SMAD2: variants seen among roughly 807,000 people sequenced by gnomAD.
SMAD2 encodes SMAD family member 2, also known as MAD homolog 2.
In SMAD2, 8 loss-of-function variants were observed where a neutral mutation model predicts 64.4. The ratio of observed to expected loss-of-function variants is 0.12; its 90% CI spans 0.07 to 0.22. The LOEUF is 0.22. SMAD2 is among the 10% of genes least tolerant of loss of function. The pLI is 1.00. For synonymous variants in SMAD2, 203 were observed against 195.8 expected (o/e 1.04, Z -0.31); for missense variants, 289 against 561.2 (o/e 0.51, Z 4.90).
In SMAD2 at chr18:47,845,858, T is replaced by C. The variant is rs560432746; in HGVS notation, c.998-58A>G. On this transcript the variant is annotated intron_variant, in intron 8 of 10. Coordinates refer to ENST00000262160, the MANE Select transcript of SMAD2 (RefSeq NM_005901.6). ...AACATTTACTATTTCAGTGTGACTT[T>C]GGAAGCATTTTCTTGGAAAAATTCT... 3.4e-5 allele frequency: 51 copies of C among 1,505,074 alleles called. No individual in the cohort carries two copies. The East Asian group carries it at 1.0e-3, about 31-fold the overall frequency. The allele number at this position is 1,505,074 out of a possible 1,614,324, so 93.2% of individuals were successfully genotyped here.
At chr18:47,864,373 T>C (rs2031405928) in intron 6 of SMAD2, among the ~76,000 whole-genome samples, 1 of 152,078 alleles carries the variant, frequency 6.6e-6, no homozygotes, top group African/African-American at 2.4e-5. Flanking sequence ...AATGCATTAG[T>C]GTTAAGATGT....
At chr18:47,862,703 A>C (rs1176008916) in intron 6 of SMAD2, among the ~76,000 whole-genome samples, 2 of 152,236 alleles carry the variant, frequency 1.3e-5, no homozygotes, top group Non-Finnish European at 2.9e-5. Context: ...AGGCAGATTA[A>C]AAAACCCTTT....
At chr18:47,922,335 C>A (rs1158613457) in intron 1 of SMAD2, among the ~76,000 whole-genome samples, 1 of 152,168 alleles carries the variant, frequency 6.6e-6, no homozygotes, top group Non-Finnish European at 1.5e-5. Flanking sequence ...GTCAATCCTC[C>A]TTATCTGTGG....
intron 2 of SMAD2, among the ~76,000 whole-genome samples, chr18:47,873,575 A>G (rs986507400): frequency 5.9e-5 from 9 of 152,238 alleles, no homozygotes; most frequent in African/African-American, 2.2e-4. Context: ...GTATGCAATT[A>G]GTAAAAGAAT....
Position 47,833,760 on chromosome 18 carries a change from AT to A in SMAD2, c.*8066del, listed in dbSNP as rs1913141922. On this transcript the variant is annotated 3_prime_UTR_variant, in exon 11 of 11. Coordinates refer to ENST00000262160, the MANE Select transcript of SMAD2 (RefSeq NM_005901.6). ...ATTCACGGAAAAATGTTAACAACAC[AT>A]TCTGGCTTCTCGAGCAGAACAGACT... The A allele has an allele frequency of 4.3e-6, 1 of 230,844 alleles. No individual in the cohort carries two copies. Among genetic ancestry groups the A allele is most frequent in the Non-Finnish European group, 8.6e-6 (1 of 116,488 alleles). 14.3% of individuals were successfully genotyped at this position (230,844 alleles called of 1,614,324 possible).
chr18:47,873,942 AGAAG>A (rs567802937), intron 2 of SMAD2, among the ~76,000 whole-genome samples: 6 of 152,290 alleles, frequency 3.9e-5, no homozygotes, highest in African/African-American at 1.4e-4. Context: ...GTTTGAAAAA[AGAAG>A]GAAGATACCC....
Position 47,850,917 on chromosome 18 carries a change from TTA to T in SMAD2, c.784+355_784+356del, listed in dbSNP as rs764844660. On this transcript the variant is annotated intron_variant, in intron 7 of 10. Transcript: ENST00000262160. Reference sequence around the variant, plus strand: ...ATACTACGTATACATGTATACATATTTATGTCAATGTGTATATATGTAATACA... The same window carrying T: ...ATACTACGTATACATGTATACATATTTGTCAATGTGTATATATGTAATACA... Among the ~76,000 whole-genome samples, 11 of 122,128 alleles carry T rather than the reference TTA, an allele frequency of 9.0e-5. No homozygotes were observed. In the East Asian group the frequency reaches 1.5e-3, roughly 17 times the overall value. The allele number at this position is 122,128 out of a possible 152,430, so 80.1% of individuals were successfully genotyped here. A position where few individuals can be genotyped will look rare whatever the true frequency, so the allele number is the denominator to read the frequency against.
At chr18:47,880,640 TCTC>T (rs1419186395) in intron 2 of SMAD2, among the ~76,000 whole-genome samples, 2 of 152,178 alleles carry the variant, frequency 1.3e-5, no homozygotes, top group Non-Finnish European at 2.9e-5. Context: ...CTAGGGTTGG[TCTC>T]CTCATTATAA....
chr18:47,838,776 T>C lies in SMAD2; in HGVS notation c.*3051A>G. On this transcript the variant is annotated 3_prime_UTR_variant, in exon 11 of 11. Transcript: ENST00000262160. Reference sequence around the variant, plus strand: ...TAAGTCAGTGAGAACTCCAACAGCCTCCCCTAAGCCAGCCCCCAAGGTGTC... The same window carrying C: ...TAAGTCAGTGAGAACTCCAACAGCCCCCCCTAAGCCAGCCCCCAAGGTGTC... 4.3e-6 allele frequency: 1 copy of C among 231,892 alleles called. No individual in the cohort carries two copies. Among genetic ancestry groups the C allele is most frequent in the East Asian group, 6.0e-5 (1 of 16,578 alleles). 14.4% of individuals were successfully genotyped at this position (231,892 alleles called of 1,614,324 possible). A position where few individuals can be genotyped will look rare whatever the true frequency, so the allele number is the denominator to read the frequency against.
intron 2 of SMAD2, among the ~76,000 whole-genome samples, chr18:47,880,625 G>A (rs887827528): frequency 5.9e-5 from 9 of 152,126 alleles, no homozygotes; most frequent in Non-Finnish European, 1.2e-4. Flanking sequence ...CAACATGTAG[G>A]TCTTCTAGGG....
At chr18:47,848,779 C>T (rs1177387358) in intron 7 of SMAD2, 92 bp from the exon 8 acceptor site, 18 of 913,562 alleles carry the variant, frequency 2.0e-5, no homozygotes, top group Non-Finnish European at 3.1e-5. Context: ...TCTTTACATG[C>T]TCTATGCCAG....
chr18:47,845,640 T>C (rs2144289731), intron 9 of SMAD2, 23 bp downstream of exon 9: 1 of 1,613,202 alleles, frequency 6.2e-7, no homozygotes, highest in Non-Finnish European at 8.5e-7. Flanking sequence ...ATGATAGGTT[T>C]ATGTACATTA....
chr18:47,840,265 T>C lies in SMAD2; in HGVS notation c.*1562A>G, dbSNP rs970047549. 4.3e-6 allele frequency: 1 copy of C among 232,896 alleles called. No homozygotes were observed. The highest frequency in any genetic ancestry group is 2.2e-5 in the African/African-American group (1 of 45,310). 14.4% of individuals were successfully genotyped at this position (232,896 alleles called of 1,614,324 possible). A position where few individuals can be genotyped will look rare whatever the true frequency, so the allele number is the denominator to read the frequency against. ...AGTACCAAAGACAGCTTCAAAAATA[T>C]GAAAATTTATGAAAAGACGACCAGG... On this transcript the variant is annotated 3_prime_UTR_variant, in exon 11 of 11. Coordinates refer to ENST00000262160, the MANE Select transcript of SMAD2 (RefSeq NM_005901.6).
In SMAD2 at chr18:47,837,954, C is replaced by G. The variant is rs1362228194; in HGVS notation, c.*3873G>C. On this transcript the variant is annotated 3_prime_UTR_variant, in exon 11 of 11. Coordinates refer to ENST00000262160, the MANE Select transcript of SMAD2 (RefSeq NM_005901.6). ...AACATAAACCTACGCCACCCTCAGA[C>G]GAAGAGGGTATCTAACACTGAATAA... 8.6e-6 allele frequency: 2 copies of G among 231,986 alleles called. No homozygotes were observed. Among genetic ancestry groups the G allele is most frequent in the Non-Finnish European group, 1.7e-5 (2 of 117,262 alleles). The allele number at this position is 231,986 out of a possible 1,614,324, so 14.4% of individuals were successfully genotyped here.
rs1913107136 is a variant in SMAD2, at chr18:47,833,427, T to A, written c.*8400A>T. On this transcript the variant is annotated 3_prime_UTR_variant, in exon 11 of 11. Transcript: ENST00000262160. ...TAATAAAAATAAAAAAGGAACCACA[T>A]CGTACTTTTGACAATCATAGAACGA... The A allele has an allele frequency of 4.4e-6, 1 of 226,566 alleles. No individual in the cohort carries two copies. The highest frequency in any genetic ancestry group is 8.8e-6 in the Non-Finnish European group (1 of 113,716). The allele number at this position is 226,566 out of a possible 1,614,324, so 14.0% of individuals were successfully genotyped here.
At chr18:47,893,898 C>T (rs2144464726) in intron 2 of SMAD2, among the ~76,000 whole-genome samples, 1 of 152,218 alleles carries the variant, frequency 6.6e-6, no homozygotes, top group Admixed American at 6.5e-5. Flanking sequence ...TTCAAGGAAA[C>T]TTCAATAGTG....
intron 1 of SMAD2, among the ~76,000 whole-genome samples, chr18:47,913,521 C>T (rs2034222721): frequency 1.3e-5 from 2 of 152,082 alleles, no homozygotes; most frequent in South Asian, 2.1e-4. Context: ...CTAATATCTC[C>T]GGAGAATTTT....
At chr18:47,917,664 T>C (rs1259473060) in intron 1 of SMAD2, among the ~76,000 whole-genome samples, 2 of 152,194 alleles carry the variant, frequency 1.3e-5, no homozygotes, top group African/African-American at 4.8e-5. Context: ...AAAAAAATTT[T>C]TAATGGAAAA....
At chr18:47,877,741 A>C (rs1336898011) in intron 2 of SMAD2, among the ~76,000 whole-genome samples, 1 of 151,788 alleles carries the variant, frequency 6.6e-6, no homozygotes, top group East Asian at 2.0e-4. Flanking sequence ...TTGAGAAATA[A>C]GTAGGTGCAA....
Sources: allele counts gnomAD v4.1 joint callset (sites outside exome capture counted in the v4.1 genomes callset), GRCh38; gene constraint gnomAD v4.1.1; transcripts MANE v1.5; gene names NCBI Gene and HGNC (gene_info 2026-07-23, HGNC 2026-07-21).